RHBDF2: variants seen among roughly 807,000 people sequenced by gnomAD.
The protein encoded by RHBDF2 is rhomboid 5 homolog 2, also known as inactive rhomboid protein 2.
RHBDF2 carries 38 observed loss-of-function variants against 95.2 expected under a neutral mutation model. The observed-to-expected ratio is 0.40, with a 90% confidence interval of 0.31 to 0.52. The LOEUF is 0.52. Among genes scored for constraint, RHBDF2 ranks in the 20% least tolerant of loss-of-function variants. RHBDF2 has a pLI of 0.56. For synonymous variants in RHBDF2, 442 were observed against 462.0 expected (o/e 0.96, Z 0.55); for missense variants, 863 against 1,137.7 (o/e 0.76, Z 3.47).
At chr17:76,483,220 T>G (rs1355621799) in intron 2 of RHBDF2, among the ~76,000 whole-genome samples, 1 of 152,078 alleles carries the variant, frequency 6.6e-6, no homozygotes, top group African/African-American at 2.4e-5. Flanking sequence ...CAGCCCACAC[T>G]CTATCATTTT....
In RHBDF2 at chr17:76,479,808, C is replaced by T. The variant is rs754696049; in HGVS notation, c.197G>A (p.Arg66His). Residue 66 changes from arginine (R) to histidine (H), a missense_variant, in exon 4 of 19, where the codon CGC becomes CAC. Coordinates refer to ENST00000675367, the MANE Select transcript of RHBDF2 (RefSeq NM_001005498.4). ...YLKSVSLQEP[R>H]SRWQESSEKR... is the part of the protein sequence containing the mutation. ...CTCTGAACTCTCCTGCCATCGGCTG[C>T]GTGGCTCCTGGAGGCTGACGCTCTT... is the stretch of plus-strand genomic sequence containing the variant. 2.5e-6 allele frequency: 4 copies of T among 1,613,026 alleles called. No homozygotes were observed. The South Asian group carries it at 3.3e-5, about 13-fold the overall frequency.
In RHBDF2 at chr17:76,477,739, T is replaced by C. The variant is rs764509483; in HGVS notation, c.719A>G (p.Lys240Arg). ...DATGQRCRVV[K>R]RSFAFPSFLE... ...GAAGCTCGGGAAGGCAAAGCTGCGC[T>C]TGACCACCCGGCACCGCTGTCCGGT... Residue 240 changes from lysine to arginine, a missense_variant, in exon 7 of 19, where the codon AAG (lysine) becomes AGG (arginine). Transcript: ENST00000675367. 2.5e-6 allele frequency: 4 copies of C among 1,613,738 alleles called. No individual in the cohort carries two copies. The highest frequency in any genetic ancestry group is 1.3e-5 in the African/African-American group (1 of 75,060).
chr17:76,489,222 T>G (rs61088918), intron 1 of RHBDF2, among the ~76,000 whole-genome samples: 58,313 of 152,068 alleles, frequency 0.38, 12,274 homozygotes, highest in Middle Eastern at 0.5. Context: ...AAAGTTCAAA[T>G]GATCTGGAAG....
chr17:76,487,244 C>G (rs1308093082), intron 2 of RHBDF2, among the ~76,000 whole-genome samples: 3 of 126,794 alleles, frequency 2.4e-5, no homozygotes, highest in African/African-American at 9.0e-5. Context: ...AGCCAGCATG[C>G]CTGGCAAATT....
rs1024193227 is a variant in RHBDF2 at position 76,473,187 on chromosome 17, C to T, written c.1809+65G>A. The T allele has an allele frequency of 2.0e-5, 31 of 1,586,898 alleles. No homozygotes were observed. The African/African-American group carries it at 2.7e-4, about 14-fold the overall frequency. ...GACATGGGAGGGAGTGCGTGAGCCC[C>T]GGCCCCAGCAGGCTGCCATGCCCAG... is the stretch of plus-strand genomic sequence containing the variant. On this transcript the variant is annotated intron_variant, in intron 16 of 18. Coordinates refer to ENST00000675367, the MANE Select transcript of RHBDF2 (RefSeq NM_001005498.4).
At chr17:76,479,480 G>T in intron 4 of RHBDF2, 1 of 841,794 alleles carries the variant, frequency 1.2e-6, no homozygotes, top group Non-Finnish European at 1.9e-6. Flanking sequence ...CCAGGCTAGG[G>T]CCCCAGGCAC....
chr17:76,481,770 T>C (rs1171829980), intron 2 of RHBDF2: 5 of 339,820 alleles, frequency 1.5e-5, no homozygotes, highest in Admixed American at 7.9e-5. Flanking sequence ...CTGGCCAACA[T>C]GGTGAAACCC....
intron 3 of RHBDF2, 126 bp downstream of exon 3, chr17:76,481,249 G>A: frequency 1.8e-6 from 2 of 1,117,564 alleles, no homozygotes; most frequent in Non-Finnish European, 2.5e-6. Flanking sequence ...CGAGTCAAGG[G>A]CTGCACAGAC....
At chr17:76,487,654 G>A (rs568244474) in intron 2 of RHBDF2, 58 bp downstream of exon 2, 1 of 152,454 alleles carries the variant, frequency 6.6e-6, no homozygotes, top group East Asian at 1.9e-4. Flanking sequence ...GAGGTATCTG[G>A]ACGTGGGCAC....
chr17:76,486,055 T>G (rs558699328), intron 2 of RHBDF2, among the ~76,000 whole-genome samples: 1 of 147,270 alleles, frequency 6.8e-6, no homozygotes, highest in South Asian at 2.1e-4. Context: ...GTGGCACAAT[T>G]CTGTGAATAT....
intron 1 of RHBDF2, among the ~76,000 whole-genome samples, chr17:76,491,531 G>T (rs1460896859): frequency 6.6e-6 from 1 of 152,210 alleles, no homozygotes; most frequent in African/African-American, 2.4e-5. Context: ...GGCATCGGGA[G>T]TGCCATCTGA....
intron 16 of RHBDF2, 63 bp downstream of exon 16, chr17:76,473,189 G>A: frequency 6.3e-7 from 1 of 1,587,498 alleles, no homozygotes; most frequent in East Asian, 2.2e-5. Context: ...GTGAGCCCCG[G>A]CCCCAGCAGG....
intron 18 of RHBDF2, among the ~76,000 whole-genome samples, chr17:76,472,370 T>C (rs1056244379): frequency 6.6e-6 from 1 of 152,162 alleles, no homozygotes; most frequent in Non-Finnish European, 1.5e-5. Flanking sequence ...CAGGTGGAAC[T>C]GATCAGACTG....
chr17:76,497,486 C>T (rs1376744632), intron 1 of RHBDF2, among the ~76,000 whole-genome samples: 1 of 152,232 alleles, frequency 6.6e-6, no homozygotes, highest in Non-Finnish European at 1.5e-5. Flanking sequence ...AGTGCCACTG[C>T]TCCATATGCG....
Position 76,473,918 on chromosome 17 carries a change from A to T in RHBDF2, c.1575-16T>A, listed in dbSNP as rs201325813. The T allele has an allele frequency of 3.2e-3, 5,156 of 1,613,772 alleles. 28 individuals are homozygous for T. Among genetic ancestry groups the T allele is most frequent in the Middle Eastern group, 0.021 (130 of 6,062 alleles). On this transcript the variant is annotated splice_polypyrimidine_tract_variant and intron_variant, in intron 13 of 18. Transcript: ENST00000675367. ...CTCGCAGGTCCTGGAGACAGGGTTC[A>T]GATTGGGCTGTGGCACACCCAGCGT...
chr17:76,472,847 A>T lies in RHBDF2; in HGVS notation c.1911-8T>A. The T allele has an allele frequency of 2.5e-6, 4 of 1,583,974 alleles. No individual in the cohort carries two copies. Among genetic ancestry groups the T allele is most frequent in the Non-Finnish European group, 2.6e-6 (3 of 1,164,298 alleles). On this transcript the variant is annotated splice_polypyrimidine_tract_variant and splice_region_variant and intron_variant, in intron 17 of 18. Coordinates refer to ENST00000675367, the MANE Select transcript of RHBDF2 (RefSeq NM_001005498.4). ...ACGAGGCAGTGCACCACGCTGGGGG[A>T]GGGACACACCAGGCAGCGGCCTTCA...
chr17:76,474,781 G>A lies in RHBDF2; in HGVS notation c.1251C>T (p.Tyr417=), dbSNP rs143587407. ...CCTGCTGGATGTACTTCACGCTCTCGTACACACCTTTGTTCCGCAGCACCT... is the reference window on the plus strand; with the variant it reads ...CCTGCTGGATGTACTTCACGCTCTCATACACACCTTTGTTCCGCAGCACCT... The part of the protein sequence containing the change: ...TQLVLRNKGV[Y]ESVKYIQQEN... The change falls in exon 11 of 19, where the codon TAC becomes TAT. Residue 417 remains tyrosine, a synonymous_variant. Transcript: ENST00000675367. The A allele has an allele frequency of 8.7e-6, 14 of 1,614,020 alleles. No homozygotes were observed. Among genetic ancestry groups the A allele is most frequent in the Admixed American group, 1.7e-5 (1 of 60,002 alleles).
At chr17:76,484,259 G>A (rs997701476) in intron 2 of RHBDF2, among the ~76,000 whole-genome samples, 5 of 151,698 alleles carry the variant, frequency 3.3e-5, no homozygotes, top group African/African-American at 9.7e-5. Flanking sequence ...GCGAAACTTC[G>A]TCTCAAAAAT....
rs773567046 is a variant in RHBDF2 at position 76,471,753 on chromosome 17, G to A, written c.2364C>T (p.Ala788=). The change falls in exon 19 of 19, where the codon GCC becomes GCT. Residue 788 remains alanine (A), a synonymous_variant. Transcript: ENST00000675367. ...VSLLAFAGLF[A]ALVLWLYIYP... ...AGATGTACAGCCACAGCACGAGGGC[G>A]GCGAAGAGGCCGGCAAAGGCCAGCA... 8.1e-6 allele frequency: 13 copies of A among 1,610,490 alleles called. No individual in the cohort carries two copies. Among genetic ancestry groups the A allele is most frequent in the East Asian group, 6.7e-5 (3 of 44,730 alleles).
Sources: gnomAD v4.1 joint callset for allele counts (sites outside exome capture counted in the v4.1 genomes callset) on GRCh38, gnomAD v4.1.1 for gene constraint, MANE v1.5 for transcripts, NCBI Gene and HGNC (gene_info 2026-07-23, HGNC 2026-07-21) for gene names.